The following AGMO variants were observed in gnomAD, a reference collection of about 807,000 sequenced individuals.
AGMO encodes alkylglycerol monooxygenase.
AGMO carries 75 observed loss-of-function variants against 60.2 expected under a neutral mutation model. The observed-to-expected ratio is 1.25, with a 90% CI of 1.03 to 1.51. The LOEUF (loss-of-function observed/expected upper bound fraction) is 1.51. Ranked by LOEUF, AGMO falls within the 40% of genes most tolerant of loss-of-function variation. The pLI, the probability that AGMO is intolerant of heterozygous loss-of-function variation, is 0.00. For missense variants in AGMO, 763 were observed against 525.5 expected, an observed-to-expected ratio of 1.45 and a Z score of -4.42; for synonymous variants, 261 against 177.1, an observed-to-expected ratio of 1.47 and a Z score of -3.76.
At chr7:15,307,190 G>A (rs1336184198) in intron 12 of AGMO, among the ~76,000 whole-genome samples, 1 of 151,860 alleles carries the variant, frequency 6.6e-6, no homozygotes, top group Non-Finnish European at 1.5e-5. Flanking sequence ...CTTGTGAGAG[G>A]TGAGGACATA....
At chr7:15,316,452 A>T (rs1780929027) in intron 12 of AGMO, among the ~76,000 whole-genome samples, 1 of 152,138 alleles carries the variant, frequency 6.6e-6, no homozygotes, top group Non-Finnish European at 1.5e-5. Context: ...ATTGAGTCTG[A>T]AACAAAGATC....
At chr7:15,186,278 A>G in the AGMO span, among the ~76,000 whole-genome samples, 1 of 152,240 alleles carries the variant, frequency 6.6e-6, no homozygotes, top group South Asian at 2.1e-4. Flanking sequence ...TTTTGATTGA[A>G]TGCAGATTGC....
chr7:15,362,110 G>C (rs1195814531), intron 12 of AGMO, among the ~76,000 whole-genome samples: 2 of 152,014 alleles, frequency 1.3e-5, no homozygotes, highest in Non-Finnish European at 2.9e-5. Context: ...CATTTATTAG[G>C]TTTCTATACT....
At chr7:15,524,722 G>A (rs915135604) in intron 3 of AGMO, among the ~76,000 whole-genome samples, 2 of 53,416 alleles carry the variant, frequency 3.7e-5, no homozygotes, top group African/African-American at 6.6e-5. Flanking sequence ...AATTAGCCAG[G>A]CATGGTGCAC....
At chr7:15,417,407 C>T (rs983695865) in intron 5 of AGMO, among the ~76,000 whole-genome samples, 1 of 152,122 alleles carries the variant, frequency 6.6e-6, no homozygotes, top group African/African-American at 2.4e-5. Context: ...TGTTCTGTAT[C>T]CAAACTAATA....
At chr7:15,392,174 A>G (rs1485295916) in intron 6 of AGMO, among the ~76,000 whole-genome samples, 2 of 151,798 alleles carry the variant, frequency 1.3e-5, no homozygotes, top group African/African-American at 2.4e-5. Context: ...GGTTCACGCC[A>G]TTCTCCTGCC....
chr7:15,559,305 G>A (rs1334982565), intron 2 of AGMO, among the ~76,000 whole-genome samples: 2 of 152,070 alleles, frequency 1.3e-5, no homozygotes, highest in African/African-American at 2.4e-5. Flanking sequence ...AGGGCTGAGA[G>A]AAAAACAGGT....
Position 15,464,435 on chromosome 7 carries a change from A to G in AGMO, c.410-33327T>C, listed in dbSNP as rs149277267. On this transcript the variant is annotated intron_variant, in intron 3 of 12. Transcript: ENST00000342526. ...TGCATGTGACATGGTATATCTGGAAATAAAAAAATTCCTCATAAAATCACT... is the reference window on the plus strand; with the variant it reads ...TGCATGTGACATGGTATATCTGGAAGTAAAAAAATTCCTCATAAAATCACT... Among the ~76,000 whole-genome samples the G allele has an allele frequency of 1.3e-3, 192 of 152,352 alleles. 3 individuals are homozygous for G. The Middle Eastern group carries it at 0.037, about 30-fold the overall frequency.
At chr7:15,121,442 T>A in the AGMO span, among the ~76,000 whole-genome samples, 5 of 152,162 alleles carry the variant, frequency 3.3e-5, no homozygotes, top group African/African-American at 7.2e-5. Flanking sequence ...CCACCAACAG[T>A]GTAAAAGCGT....
intron 7 of AGMO, 39 bp from the exon 8 acceptor site, chr7:15,390,789 G>A (rs762962336): frequency 6.9e-7 from 1 of 1,454,332 alleles, no homozygotes; most frequent in Non-Finnish European, 9.5e-7. Flanking sequence ...TTGGCTTCCT[G>A]TAAAGTAAAG....
intron 12 of AGMO, among the ~76,000 whole-genome samples, chr7:15,298,226 G>A (rs999695211): frequency 4.6e-5 from 7 of 152,126 alleles, no homozygotes; most frequent in African/African-American, 1.2e-4. Flanking sequence ...GATAAAAAAT[G>A]CAGTAAGAAT....
chr7:15,263,294 A>C (rs1320233284), intron 12 of AGMO, among the ~76,000 whole-genome samples: 3 of 152,130 alleles, frequency 2.0e-5, no homozygotes, highest in Non-Finnish European at 4.4e-5. Context: ...TCTCAAGAAG[A>C]TATACAAATG....
At chr7:15,254,656 G>T (rs1001521431) in intron 12 of AGMO, among the ~76,000 whole-genome samples, 1 of 151,480 alleles carries the variant, frequency 6.6e-6, no homozygotes, top group African/African-American at 2.4e-5. Context: ...AAAAATCAGA[G>T]CAAAAATAAC....
At chr7:15,536,606 G>A (rs1173474366) in intron 3 of AGMO, among the ~76,000 whole-genome samples, 1 of 151,836 alleles carries the variant, frequency 6.6e-6, no homozygotes, top group Admixed American at 6.6e-5. Flanking sequence ...GACCATACCT[G>A]TTATTAAGCA....
At chr7:15,198,223 G>GAGAGAGAGAC (rs1563030375), downstream of AGMO, among the ~76,000 whole-genome samples, 138 of 111,640 alleles carry the variant, frequency 1.2e-3, 2 homozygotes, top group Middle Eastern at 4.2e-3. Context: ...GAGAGAGAGA[G>GAGAGAGAGAC]AGAGAGAGAG....
At chr7:15,329,213 A>G (rs1053768735) in intron 12 of AGMO, among the ~76,000 whole-genome samples, 3 of 152,308 alleles carry the variant, frequency 2.0e-5, no homozygotes, top group South Asian at 4.1e-4. Context: ...ATTCGTCTGT[A>G]TTGTATTTGA....
At chr7:15,155,996 C>A in the AGMO span, among the ~76,000 whole-genome samples, 1 of 152,178 alleles carries the variant, frequency 6.6e-6, no homozygotes, top group Non-Finnish European at 1.5e-5. Flanking sequence ...CAAGGTGAAG[C>A]ACCTGCTGTG....
At chr7:15,336,272 AATGT>A (rs1245595108) in intron 12 of AGMO, among the ~76,000 whole-genome samples, 9 of 151,460 alleles carry the variant, frequency 5.9e-5, no homozygotes, top group East Asian at 1.9e-4. Flanking sequence ...TCTTACCACA[AATGT>A]ATGTCCACCC....
At chr7:15,504,267 C>T (rs1408339582) in intron 3 of AGMO, among the ~76,000 whole-genome samples, 6 of 151,882 alleles carry the variant, frequency 4.0e-5, no homozygotes, top group Non-Finnish European at 8.8e-5. Context: ...TTGAATGCAT[C>T]AAAATTTGTA....
Sources: allele counts gnomAD v4.1 joint callset (sites outside exome capture counted in the v4.1 genomes callset), GRCh38; gene constraint gnomAD v4.1.1; transcripts MANE v1.5; gene names NCBI Gene and HGNC (gene_info 2026-07-23, HGNC 2026-07-21).